SCYL1: variants seen among roughly 807,000 people sequenced by gnomAD.
SCYL1 encodes N-terminal kinase-like protein.
A neutral mutation model predicts 94.8 loss-of-function variants in SCYL1; 85 were observed. The observed-to-expected ratio is 0.90, with a 90% CI of 0.75 to 1.07. The LOEUF (loss-of-function observed/expected upper bound fraction) is 1.07. Ranked by LOEUF, SCYL1 falls within the 50% of genes least tolerant of loss-of-function variation. The pLI, the probability that SCYL1 is intolerant of heterozygous loss-of-function variation, is 0.00. For synonymous variants in SCYL1, 459 were observed against 435.5 expected (o/e 1.05, Z -0.67); for missense variants, 968 against 1,083.3 (o/e 0.89, Z 1.49).
Position 65,535,376 on chromosome 11 carries a change from T to C in SCYL1, c.1380T>C (p.Ser460=), listed in dbSNP as rs757557920. 5 of 1,614,020 alleles carry C rather than the reference T, an allele frequency of 3.1e-6. No homozygotes were observed. In the South Asian group the frequency reaches 3.3e-5, roughly 11 times the overall value. ...VCLGKIGSYL[S]ASTRHRVLTS... ...TGGGCAAAATCGGCTCCTACCTCAG[T>C]GCTAGCGTGAGTGTCCTGCACAACT... The change falls in exon 10 of 18, where the codon AGT becomes AGC. Residue 460 remains serine (S), a synonymous_variant. Coordinates refer to ENST00000270176, the MANE Select transcript of SCYL1 (RefSeq NM_020680.4).
intron 6 of SCYL1, 103 bp downstream of exon 6, chr11:65,527,220 G>A: frequency 2.2e-6 from 3 of 1,356,986 alleles, no homozygotes; most frequent in Non-Finnish European, 2.1e-6. Flanking sequence ...GACAAGCATG[G>A]ACTGTGGAGT....
Position 65,536,246 on chromosome 11 carries a change from C to T in SCYL1, c.1576-13C>T, listed in dbSNP as rs1313303478. 2.2e-5 allele frequency: 36 copies of T among 1,612,478 alleles called. No homozygotes were observed. The highest frequency in any genetic ancestry group is 2.7e-5 in the Non-Finnish European group (32 of 1,178,744). ...AACCCCAGAGACCCCAGCTCTGCCT[C>T]GTTACCCCACAGGCCTTCAAGGCCA... On this transcript the variant is annotated splice_polypyrimidine_tract_variant and intron_variant, in intron 11 of 17. Coordinates refer to ENST00000270176, the MANE Select transcript of SCYL1 (RefSeq NM_020680.4).
chr11:65,537,898 G>T lies in SCYL1; in HGVS notation c.2031+18G>T. On this transcript the variant is annotated intron_variant, in intron 15 of 17. Coordinates refer to ENST00000270176, the MANE Select transcript of SCYL1 (RefSeq NM_020680.4). ...CTAGTCAGGTGAGCTGGGTCTGGTGGGGAGGTGTGTGTATGGGGCTCTTTC... is the reference window on the plus strand; with the variant it reads ...CTAGTCAGGTGAGCTGGGTCTGGTGTGGAGGTGTGTGTATGGGGCTCTTTC... 6.3e-7 allele frequency: 1 copy of T among 1,579,768 alleles called. No individual in the cohort carries two copies. Among genetic ancestry groups the T allele is most frequent in the East Asian group, 2.3e-5 (1 of 43,452 alleles).
chr11:65,528,020 G>T (rs1200893949), intron 6 of SCYL1, among the ~76,000 whole-genome samples: 1 of 152,220 alleles, frequency 6.6e-6, no homozygotes, highest in Middle Eastern at 3.2e-3. Context: ...CTGCAGGGGG[G>T]TGGGCAGCAC....
rs780845915 is a variant in SCYL1, at chr11:65,536,760, CT to C, written c.1816+11del. On this transcript the variant is annotated intron_variant, in intron 13 of 17. Transcript: ENST00000270176. ...AGACCCACGCCTGAAGGTGAGTGTCCTGGCCTAGCTGCATCAGTGGCTGAGA... is the reference window on the plus strand; with the variant it reads ...AGACCCACGCCTGAAGGTGAGTGTCCGGCCTAGCTGCATCAGTGGCTGAGA... 1 of 1,586,722 alleles carries C rather than the reference CT, an allele frequency of 6.3e-7. No individual in the cohort carries two copies. The highest frequency in any genetic ancestry group is 8.6e-7 in the Non-Finnish European group (1 of 1,162,222).
intron 12 of SCYL1, 117 bp downstream of exon 12, chr11:65,536,451 TCCC>T (rs1302692195): frequency 7.1e-7 from 1 of 1,410,572 alleles, no homozygotes; most frequent in African/African-American, 1.4e-5. Flanking sequence ...TTGACTCAGC[TCCC>T]CCTTCACAGA....
chr11:65,538,668 T>A lies in SCYL1; in HGVS notation c.*102T>A, dbSNP rs1855868263. ...GCCGGCCCAGCCAGGCCATCTCACG[T>A]GTACATAATCAGAGCCACAATAAAT... is the stretch of plus-strand genomic sequence containing the variant. On this transcript the variant is annotated 3_prime_UTR_variant, in exon 18 of 18. Coordinates refer to ENST00000270176, the MANE Select transcript of SCYL1 (RefSeq NM_020680.4). 7 of 1,348,196 alleles carry A rather than the reference T, an allele frequency of 5.2e-6. No homozygotes were observed. In the South Asian group the frequency reaches 7.1e-5, roughly 14 times the overall value. 83.5% of individuals were successfully genotyped at this position (1,348,196 alleles called of 1,614,324 possible).
chr11:65,532,545 G>A (rs527955829), intron 8 of SCYL1, 147 bp from the exon 9 acceptor site: 202 of 670,012 alleles, frequency 3.0e-4, no homozygotes, highest in Non-Finnish European at 4.9e-4. Flanking sequence ...CTGGGCCTGA[G>A]GCCAAACACC....
At position 65,530,759 on chromosome 11, in the gene SCYL1, G is replaced by A. The variant is rs998272140; in HGVS notation, c.980G>A (p.Gly327Glu). 1 of 1,613,438 alleles carries A rather than the reference G, an allele frequency of 6.2e-7. No individual in the cohort carries two copies. The highest frequency in any genetic ancestry group is 1.3e-5 in the African/African-American group (1 of 74,904). The change falls in exon 7 of 18, where the codon GGG (glycine) becomes GAG (glutamate). Residue 327 changes from glycine to glutamate, a missense_variant. This residue lies in a region of SCYL1 where 494 missense variants were observed against 619.7 expected (regional missense o/e 0.80). Coordinates refer to ENST00000270176, the MANE Select transcript of SCYL1 (RefSeq NM_020680.4). ...ACCGCCTTCGAGTTCGGCAATGCTG[G>A]GGCCGTTGTCCTCACGCCCCTCTTC... is the stretch of plus-strand genomic sequence containing the variant. Reference protein sequence around the residue: ...LLTAFEFGNAGAVVLTPLFKV... With the variant: ...LLTAFEFGNAEAVVLTPLFKV...
chr11:65,525,627 A>G lies in SCYL1; in HGVS notation c.165A>G (p.Glu55=). Residue 55 remains glutamate, a synonymous_variant, in exon 2 of 18, where the codon GAA becomes GAG. Coordinates refer to ENST00000270176, the MANE Select transcript of SCYL1 (RefSeq NM_020680.4). ...IFVYDVKPGA[E]EQTQVAKAAF... is the part of the protein sequence containing the mutation. ...TCTATGATGTGAAGCCTGGCGCGGA[A>G]GAGCAGACCCAGGTGGCCAAAGCTG... The G allele has an allele frequency of 6.2e-7, 1 of 1,612,812 alleles. No individual in the cohort carries two copies. The highest frequency in any genetic ancestry group is 1.1e-5 in the South Asian group (1 of 91,080).
Position 65,525,606 on chromosome 11 carries a change from T to C in SCYL1, c.144T>C (p.Tyr48=), listed in dbSNP as rs1449337570. The C allele has an allele frequency of 6.2e-7, 1 of 1,612,724 alleles. No individual in the cohort carries two copies. The highest frequency in any genetic ancestry group is 8.5e-7 in the Non-Finnish European group (1 of 1,179,958). The part of the protein sequence containing the change: ...ATGSPVSIFV[Y]DVKPGAEEQT... ...GCAGCCCCGTGTCCATCTTCGTCTATGATGTGAAGCCTGGCGCGGAAGAGC... is the reference window on the plus strand; with the variant it reads ...GCAGCCCCGTGTCCATCTTCGTCTACGATGTGAAGCCTGGCGCGGAAGAGC... The change falls in exon 2 of 18, where the codon TAT becomes TAC. Residue 48 remains tyrosine (Y), a synonymous_variant. Transcript: ENST00000270176.
At chr11:65,525,533 A>G (rs775783903) in intron 1 of SCYL1, 41 bp from the exon 2 acceptor site, 2 of 1,596,808 alleles carry the variant, frequency 1.3e-6, no homozygotes, top group East Asian at 4.5e-5. Flanking sequence ...CGGCCACACA[A>G]CAGCTCTGGG....
chr11:65,533,087 A>C, intron 9 of SCYL1: 1 of 405,688 alleles, frequency 2.5e-6, no homozygotes, highest in Non-Finnish European at 4.6e-6. Flanking sequence ...TTTCCAGGGC[A>C]CAGAGGGTGG....
chr11:65,525,127 C>T lies in SCYL1; in HGVS notation c.-27C>T, dbSNP rs761646724. 1.2e-4 allele frequency: 157 copies of T among 1,306,290 alleles called. No individual in the cohort carries two copies. The highest frequency in any genetic ancestry group is 1.5e-4 in the Non-Finnish European group (148 of 1,017,774). The allele number at this position is 1,306,290 out of a possible 1,614,324, so 80.9% of individuals were successfully genotyped here. On this transcript the variant is annotated 5_prime_UTR_variant, in exon 1 of 18. Coordinates refer to ENST00000270176, the MANE Select transcript of SCYL1 (RefSeq NM_020680.4). ...GGCCGGAGGACCCGGAGCTAAGGCGCCCGAACCCGCGGCGGCGGTGGGGAC... is the reference window on the plus strand; with the variant it reads ...GGCCGGAGGACCCGGAGCTAAGGCGTCCGAACCCGCGGCGGCGGTGGGGAC...
intron 7 of SCYL1, 139 bp downstream of exon 7, chr11:65,530,926 G>A (rs191603485): frequency 5.5e-6 from 5 of 908,758 alleles, no homozygotes; most frequent in East Asian, 5.4e-5. Flanking sequence ...CTATAAACAG[G>A]TACCTGACCA....
At chr11:65,532,044 C>G (rs540943571) in intron 8 of SCYL1, among the ~76,000 whole-genome samples, 1 of 152,290 alleles carries the variant, frequency 6.6e-6, no homozygotes. Context: ...GTGCCATTCC[C>G]TCTGTGACCA....
intron 10 of SCYL1, 92 bp downstream of exon 10, chr11:65,535,474 T>C: frequency 4.7e-6 from 7 of 1,502,322 alleles, no homozygotes; most frequent in Non-Finnish European, 5.5e-6. Flanking sequence ...GGGGCCTTCA[T>C]TCTCCCAGAG....
At chr11:65,535,846 G>A in intron 10 of SCYL1, 107 bp from the exon 11 acceptor site, 4 of 1,108,914 alleles carry the variant, frequency 3.6e-6, no homozygotes, top group Non-Finnish European at 5.2e-6. Context: ...ATATTTTTCA[G>A]ATTCTGGGGA....
intron 7 of SCYL1, among the ~76,000 whole-genome samples, chr11:65,531,336 A>G (rs1244055008): frequency 1.3e-5 from 2 of 152,128 alleles, no homozygotes; most frequent in Non-Finnish European, 2.9e-5. Context: ...GCATAAAGGT[A>G]CCTGTTTGTA....
Sources: allele counts gnomAD v4.1 joint callset (sites outside exome capture counted in the v4.1 genomes callset), GRCh38; gene constraint gnomAD v4.1.1; regional missense constraint gnomAD v4.1.1; transcripts MANE v1.5; gene names NCBI Gene and HGNC (gene_info 2026-07-23, HGNC 2026-07-21).